CEP83: variants seen among roughly 807,000 people sequenced by gnomAD.
CEP83 encodes the protein centrosomal protein of 83 kDa.
A neutral mutation model predicts 101.9 loss-of-function variants in CEP83; 70 were observed. The ratio of observed to expected loss-of-function variants is 0.69; its 90% CI spans 0.57 to 0.84. The LOEUF is 0.84. CEP83 is among the 40% of genes least tolerant of loss of function. The pLI is 0.00. For missense variants in CEP83, 715 were observed against 787.2 expected (o/e 0.91, Z 1.10); for synonymous variants, 264 against 267.9 (o/e 0.99, Z 0.14).
At chr12:94,416,190 G>A (rs991224486) in intron 2 of CEP83, among the ~76,000 whole-genome samples, 7 of 152,000 alleles carry the variant, frequency 4.6e-5, no homozygotes, top group Non-Finnish European at 8.8e-5. Context: ...TGGAATAAAG[G>A]TTTCTACTTT....
At chr12:94,342,853 TATGA>T (rs1335394892) in intron 11 of CEP83, among the ~76,000 whole-genome samples, 2 of 151,882 alleles carry the variant, frequency 1.3e-5, no homozygotes, top group Non-Finnish European at 2.9e-5. Context: ...ATAGAACTGC[TATGA>T]ATATTTATAT....
chr12:94,427,343 C>T (rs2138114722), intron 2 of CEP83, among the ~76,000 whole-genome samples: 2 of 152,302 alleles, frequency 1.3e-5, no homozygotes, highest in Middle Eastern at 6.8e-3. Flanking sequence ...TCTCGATTGG[C>T]CTGTTAATCA....
At chr12:94,287,677 T>C in the CEP83 span, among the ~76,000 whole-genome samples, 3 of 152,294 alleles carry the variant, frequency 2.0e-5, no homozygotes, top group Middle Eastern at 0.01. Context: ...TCAAAAGATA[T>C]TTAAAGCTCA....
chr12:94,342,405 CAA>C, intron 11 of CEP83, among the ~76,000 whole-genome samples: 1 of 152,188 alleles, frequency 6.6e-6, no homozygotes, highest in Non-Finnish European at 1.5e-5. Context: ...ACAGAAAAAG[CAA>C]AGAGAACAAA....
chr12:94,307,481 T>G (rs1423050961), downstream of CEP83: 1 of 152,206 alleles, frequency 6.6e-6, no homozygotes, highest in East Asian at 1.9e-4. Context: ...CTTTGCATAT[T>G]TTTTTGGTGC....
the CEP83 span, among the ~76,000 whole-genome samples, chr12:94,299,024 G>A: frequency 1.3e-5 from 2 of 152,132 alleles, no homozygotes; most frequent in African/African-American, 4.8e-5. Flanking sequence ...TGTTATCTTT[G>A]GTGCATGATA....
At chr12:94,290,893 A>G in the CEP83 span, among the ~76,000 whole-genome samples, 1 of 152,244 alleles carries the variant, frequency 6.6e-6, no homozygotes, top group African/African-American at 2.4e-5. Context: ...AAACAGTTCC[A>G]GAATGAAGGA....
chr12:94,326,423 GGT>G (rs1351752137), intron 14 of CEP83, among the ~76,000 whole-genome samples: 1 of 152,180 alleles, frequency 6.6e-6, no homozygotes, highest in East Asian at 1.9e-4. Flanking sequence ...ACTTGCAACT[GGT>G]GTCTGCAGTT....
At chr12:94,410,226 C>A (rs1047281246) in intron 4 of CEP83, among the ~76,000 whole-genome samples, 3 of 152,158 alleles carry the variant, frequency 2.0e-5, no homozygotes, top group Non-Finnish European at 4.4e-5. Flanking sequence ...AAAGTTCCTG[C>A]CTTCATGGAG....
chr12:94,355,900 A>G (rs929887160), intron 11 of CEP83, among the ~76,000 whole-genome samples: 1 of 152,236 alleles, frequency 6.6e-6, no homozygotes, highest in Non-Finnish European at 1.5e-5. Flanking sequence ...AAACAATGCT[A>G]ATGACTGGTT....
At chr12:94,294,548 A>G in the CEP83 span, 26 of 1,183,494 alleles carry the variant, frequency 2.2e-5, no homozygotes, top group Non-Finnish European at 3.0e-5. Flanking sequence ...CAGGTAACCA[A>G]TATAATATTG....
At chr12:94,376,185 CG>C (rs1293263906) in intron 7 of CEP83, among the ~76,000 whole-genome samples, 168 bp from the exon 8 acceptor site, 1 of 151,938 alleles carries the variant, frequency 6.6e-6, no homozygotes, top group Non-Finnish European at 1.5e-5. Context: ...AGAATTCAAA[CG>C]AAAGATAGTG....
At chr12:94,286,664 A>G in the CEP83 span, among the ~76,000 whole-genome samples, 1 of 151,486 alleles carries the variant, frequency 6.6e-6, no homozygotes, top group African/African-American at 2.4e-5. Context: ...ATAGGGTCTA[A>G]TTCAGAGTTT....
intron 1 of CEP83, among the ~76,000 whole-genome samples, chr12:94,438,362 G>A (rs1199513737): frequency 1.3e-5 from 2 of 152,086 alleles, no homozygotes; most frequent in Non-Finnish European, 2.9e-5. Flanking sequence ...GATATTCCAC[G>A]CAAATGGAAA....
rs1263294995 is a variant in CEP83, at chr12:94,378,937, A to G, written c.655T>C (p.Tyr219His). ...RVEQLAREKVYLCQKLKGLEA... is the reference protein window; with the variant it reads ...RVEQLAREKVHLCQKLKGLEA... The stretch of plus-strand genomic sequence containing the variant: ...AAACCTTTTAATTTTTGACACAAAT[A>G]GACTTTTTCTCGAGCAAGTTGTTCC... The change falls in exon 7 of 17, where the codon TAT (tyrosine) becomes CAT (histidine). Residue 219 changes from tyrosine to histidine, a missense_variant. Transcript: ENST00000397809. The G allele has an allele frequency of 3.7e-6, 6 of 1,614,012 alleles. No individual in the cohort carries two copies. The Admixed American group carries it at 1.0e-4, about 27-fold the overall frequency.
intron 6 of CEP83, among the ~76,000 whole-genome samples, chr12:94,394,085 C>T (rs2062734523): frequency 6.6e-6 from 1 of 152,170 alleles, no homozygotes; most frequent in Non-Finnish European, 1.5e-5. Flanking sequence ...CCCCATCAAG[C>T]TACCAATGAC....
intron 2 of CEP83, chr12:94,424,592 A>T: frequency 1.9e-6 from 3 of 1,613,524 alleles, no homozygotes; most frequent in Non-Finnish European, 1.7e-6. Flanking sequence ...TTGCTTTACC[A>T]TCTGTGCCTG....
rs763902962 is a variant in CEP83 at position 94,378,928 on chromosome 12, G to C, written c.664C>G (p.Gln222Glu). 6.2e-7 allele frequency: 1 copy of C among 1,613,930 alleles called. No individual in the cohort carries two copies. ...TCAGCCTCTAAACCTTTTAATTTTT[G>C]ACACAAATAGACTTTTTCTCGAGCA... is the stretch of plus-strand genomic sequence containing the variant. ...QLAREKVYLCQKLKGLEAEVA... is the reference protein window; with the variant it reads ...QLAREKVYLCEKLKGLEAEVA... The change falls in exon 7 of 17, where the codon CAA (glutamine) becomes GAA (glutamate). Residue 222 changes from glutamine to glutamate, a missense_variant. Transcript: ENST00000397809.
intron 11 of CEP83, among the ~76,000 whole-genome samples, chr12:94,355,703 T>C (rs548430756): frequency 6.6e-6 from 1 of 152,254 alleles, no homozygotes; most frequent in South Asian, 2.1e-4. Context: ...TGGAAGGTTG[T>C]GGGTTTACAG....
Sources: allele counts gnomAD v4.1 joint callset (sites outside exome capture counted in the v4.1 genomes callset), GRCh38; gene constraint gnomAD v4.1.1; transcripts MANE v1.5; gene names NCBI Gene and HGNC (gene_info 2026-07-23, HGNC 2026-07-21).